PCDH9: variants seen among roughly 807,000 people sequenced by gnomAD.
PCDH9 encodes protocadherin 9.
In PCDH9, 24 loss-of-function variants were observed where a neutral mutation model predicts 70.6. That is an observed-to-expected ratio of 0.34 (90% CI 0.25 to 0.48). PCDH9 has a LOEUF of 0.48. PCDH9 is among the 20% of genes least tolerant of loss of function. PCDH9 has a pLI of 0.99. For synonymous variants in PCDH9, 562 were observed against 558.5 expected (o/e 1.01, Z -0.09); for missense variants, 1,281 against 1,503.6 (o/e 0.85, Z 2.45).
At position 66,768,108 on chromosome 13, in the gene PCDH9, C is replaced by A. The variant is rs1215439264; in HGVS notation, c.3138+135396G>T. 2.0e-5 allele frequency among the ~76,000 whole-genome samples: 3 copies of A among 151,894 alleles called. No individual in the cohort carries two copies. The South Asian group carries it at 6.2e-4, about 31-fold the overall frequency. ...AAAAAAGACCTATTTTAGTACAAAT[C>A]TTGTATTTGATTTATTGGTATCTGT... On this transcript the variant is annotated intron_variant, in intron 3 of 4. Coordinates refer to ENST00000377865, the MANE Select transcript of PCDH9 (RefSeq NM_203487.3).
rs145704873 is a variant in PCDH9, at chr13:66,544,558, C to A, written c.3340+86652G>T. On this transcript the variant is annotated intron_variant, in intron 4 of 4. Coordinates refer to ENST00000377865, the MANE Select transcript of PCDH9 (RefSeq NM_203487.3). The stretch of plus-strand genomic sequence containing the variant: ...TTGAATGATATTGCTTCTAGTAGAA[C>A]AGTGCTACCTTACAGGCAGTTCACC... Among the ~76,000 whole-genome samples the A allele has an allele frequency of 2.6e-5, 4 of 152,246 alleles. No individual in the cohort carries two copies. The East Asian group carries it at 7.7e-4, about 29-fold the overall frequency.
At chr13:66,776,080 C>T (rs558090578) in intron 3 of PCDH9, among the ~76,000 whole-genome samples, 6 of 152,238 alleles carry the variant, frequency 3.9e-5, no homozygotes, top group Admixed American at 3.9e-4. Context: ...AATGTCATTA[C>T]CAAATTCCAT....
chr13:67,062,899 T>C (rs915492439), intron 2 of PCDH9, among the ~76,000 whole-genome samples: 4 of 152,134 alleles, frequency 2.6e-5, no homozygotes, highest in Admixed American at 6.6e-5. Context: ...CCAGAAAACA[T>C]GCATTAAAGC....
At chr13:66,777,798 C>T (rs2079923220) in intron 3 of PCDH9, among the ~76,000 whole-genome samples, 1 of 152,070 alleles carries the variant, frequency 6.6e-6, no homozygotes, top group Admixed American at 6.6e-5. Context: ...ACCCAAAGGA[C>T]TATAAATCAT....
chr13:66,559,833 T>TACACACACACAC lies in PCDH9; in HGVS notation c.3340+71365_3340+71376dup, dbSNP rs56660850. On this transcript the variant is annotated intron_variant, in intron 4 of 4. Coordinates refer to ENST00000377865, the MANE Select transcript of PCDH9 (RefSeq NM_203487.3). ...AAAAAAAAAAATATATATATATATA[T>TACACACACACAC]ACACACACACACACACACACACACA... Among the ~76,000 whole-genome samples, 9 of 87,120 alleles carry TACACACACACAC rather than the reference T, an allele frequency of 1.0e-4. No homozygotes were observed. The East Asian group carries it at 3.1e-3, about 30-fold the overall frequency. The allele number at this position is 87,120 out of a possible 152,430, so 57.2% of individuals were successfully genotyped here.
intron 2 of PCDH9, among the ~76,000 whole-genome samples, chr13:66,973,290 T>A (rs1474058443): frequency 6.6e-6 from 1 of 152,038 alleles, no homozygotes; most frequent in South Asian, 2.1e-4. Flanking sequence ...AATGCTTTAG[T>A]CCTTCAGAAA....
At chr13:67,135,647 G>A (rs184568495) in intron 2 of PCDH9, among the ~76,000 whole-genome samples, 1 of 152,248 alleles carries the variant, frequency 6.6e-6, no homozygotes, top group African/African-American at 2.4e-5. Context: ...GAGTTCTGAG[G>A]AGAAGATGTC....
Position 66,903,577 on chromosome 13 carries a change from A to C in PCDH9, c.3065T>G (p.Ile1022Ser), listed in dbSNP as rs751177488. The change falls in exon 3 of 5, where the codon ATT becomes AGT. Residue 1022 changes from isoleucine (I) to serine (S), a missense_variant. By Grantham distance (142) the Ile-to-Ser change is moderately radical. Around this residue, in one of 4 missense-constraint regions of PCDH9, gnomAD observed 264 missense variants for 278.8 expected, o/e 0.95. Transcript: ENST00000377865. ...GGGACATTTCTGAGGAGTGACAGGA[A>C]TATTGTCACTTTTGCTGTGTGAGTT... ...QCNSHSKSDN[I>S]PVTPQKCPSS... 1 of 1,557,706 alleles carries C rather than the reference A, an allele frequency of 6.4e-7. No individual in the cohort carries two copies. The highest frequency in any genetic ancestry group is 8.8e-7 in the Non-Finnish European group (1 of 1,130,408).
At chr13:66,639,222 T>C (rs1338609794) in intron 3 of PCDH9, among the ~76,000 whole-genome samples, 2 of 152,218 alleles carry the variant, frequency 1.3e-5, no homozygotes, top group African/African-American at 2.4e-5. Context: ...TGTTTGAGGA[T>C]AGAGCTGTCA....
intron 4 of PCDH9, among the ~76,000 whole-genome samples, chr13:66,319,709 A>T (rs1015056127): frequency 2.0e-5 from 3 of 152,038 alleles, no homozygotes; most frequent in African/African-American, 7.3e-5. Context: ...GCTATGGAGG[A>T]TTCAAAAGAA....
chr13:67,097,116 A>G (rs2086337100), intron 2 of PCDH9, among the ~76,000 whole-genome samples: 1 of 151,538 alleles, frequency 6.6e-6, no homozygotes, highest in Non-Finnish European at 1.5e-5. Flanking sequence ...TTAGCTGGGC[A>G]TGGTGGCACA....
intron 4 of PCDH9, among the ~76,000 whole-genome samples, chr13:66,468,954 G>A (rs1052596738): frequency 1.4e-4 from 21 of 152,100 alleles, no homozygotes; most frequent in African/African-American, 4.3e-4. Context: ...ATATTCAAAA[G>A]TACTATTCTG....
At chr13:67,051,193 G>T (rs543666792) in intron 2 of PCDH9, among the ~76,000 whole-genome samples, 2 of 151,908 alleles carry the variant, frequency 1.3e-5, no homozygotes, top group African/African-American at 4.8e-5. Context: ...TAGCATTTGG[G>T]TTAAGCCATA....
chr13:66,824,698 G>GCACACACACATATATATATA (rs2080785299), intron 3 of PCDH9, among the ~76,000 whole-genome samples: 1 of 65,378 alleles, frequency 1.5e-5, no homozygotes, highest in East Asian at 4.7e-4. Flanking sequence ...ATATATATAT[G>GCACACACACATATATATATA]CACACACACA....
chr13:66,803,175 C>A (rs1370729805), intron 3 of PCDH9, among the ~76,000 whole-genome samples: 3 of 152,126 alleles, frequency 2.0e-5, no homozygotes, highest in African/African-American at 7.2e-5. Context: ...TAGAGGTATA[C>A]AACTAATGTG....
At chr13:66,323,753 A>T (rs1366022858) in intron 4 of PCDH9, among the ~76,000 whole-genome samples, 19 of 151,844 alleles carry the variant, frequency 1.3e-4, no homozygotes, top group Admixed American at 1.2e-3. Context: ...AATGAAGACA[A>T]AATTCAAGTA....
intron 2 of PCDH9, among the ~76,000 whole-genome samples, chr13:67,041,971 G>T (rs1351829914): frequency 1.3e-5 from 2 of 152,068 alleles, no homozygotes; most frequent in East Asian, 1.9e-4. Context: ...TGTCATTTCT[G>T]GTTGAGGCTA....
At chr13:67,210,801 T>G (rs2089452784) in intron 2 of PCDH9, 3 of 151,998 alleles carry the variant, frequency 2.0e-5, no homozygotes, top group Admixed American at 1.3e-4. Context: ...AAGTACTGAT[T>G]TTAATAACCA....
intron 2 of PCDH9, among the ~76,000 whole-genome samples, chr13:67,074,639 G>C (rs963668013): frequency 6.6e-6 from 1 of 151,846 alleles, no homozygotes; most frequent in African/African-American, 2.4e-5. Flanking sequence ...TGTTATCTAC[G>C]GAAAGAAAAC....
Sources: allele counts gnomAD v4.1 joint callset (sites outside exome capture counted in the v4.1 genomes callset), GRCh38; gene constraint gnomAD v4.1.1; regional missense constraint gnomAD v4.1.1; transcripts MANE v1.5; gene names NCBI Gene and HGNC (gene_info 2026-07-23, HGNC 2026-07-21).